DNAH14: variants seen among roughly 807,000 people sequenced by gnomAD.
The protein encoded by DNAH14 is axonemal beta dynein heavy chain 14.
In DNAH14, 478 loss-of-function variants were observed where a neutral mutation model predicts 520.9. The ratio of observed to expected loss-of-function variants is 0.92; its 90% CI spans 0.85 to 0.99. The LOEUF is 0.99. DNAH14 is among the 50% of genes least tolerant of loss of function. The pLI, the probability that DNAH14 is intolerant of heterozygous loss-of-function variation, is 0.00. For missense variants in DNAH14, 4,831 were observed against 5,234.5 expected, an observed-to-expected ratio of 0.92 and a Z score of 2.38; for synonymous variants, 1,581 against 1,757.2, an observed-to-expected ratio of 0.90 and a Z score of 2.51.
Position 224,973,989 on chromosome 1 carries a change from T to C in DNAH14, c.768-102T>C, listed in dbSNP as rs139426229. ...TAGGTAACTCAGGATGAATGAAATATGTTCTAGAGAATATTCTGGTATTAC... is the reference window on the plus strand; with the variant it reads ...TAGGTAACTCAGGATGAATGAAATACGTTCTAGAGAATATTCTGGTATTAC... On this transcript the variant is annotated intron_variant, in intron 7 of 85. Coordinates refer to ENST00000682510, the MANE Select transcript of DNAH14 (RefSeq NM_001367479.1). 164 of 647,538 alleles carry C rather than the reference T, an allele frequency of 2.5e-4. 1 individual carries two copies. The East Asian group carries it at 6.5e-3, about 26-fold the overall frequency. The allele number at this position is 647,538 out of a possible 1,614,324, so 40.1% of individuals were successfully genotyped here.
intron 36 of DNAH14, among the ~76,000 whole-genome samples, chr1:225,179,866 G>T (rs895412457): frequency 2.0e-5 from 3 of 151,958 alleles, no homozygotes; most frequent in African/African-American, 7.3e-5. Context: ...TGTTAGAAGA[G>T]TGGGTTTTCT....
At chr1:225,097,772 T>TAA (rs143800535) in intron 22 of DNAH14, among the ~76,000 whole-genome samples, 2 of 142,606 alleles carry the variant, frequency 1.4e-5, no homozygotes, top group Non-Finnish European at 3.1e-5. Context: ...AGACTCTGTA[T>TAA]AAAAAAAAAA....
Position 225,335,933 on chromosome 1 carries a change from A to G in DNAH14, c.10081-1333A>G, listed in dbSNP as rs939159573. On this transcript the variant is annotated intron_variant, in intron 66 of 85. Coordinates refer to ENST00000682510, the MANE Select transcript of DNAH14 (RefSeq NM_001367479.1). ...TGTATGTATATATGCACATATACCT[A>G]TATATACATATATGTATATATACAC... Among the ~76,000 whole-genome samples the G allele has an allele frequency of 6.6e-5, 8 of 120,334 alleles. 1 individual carries two copies. The highest frequency in any genetic ancestry group is 2.0e-4 in the African/African-American group (7 of 34,744). 78.9% of individuals were successfully genotyped at this position (120,334 alleles called of 152,430 possible).
chr1:224,935,394 A>G (rs576863767), intron 1 of DNAH14, among the ~76,000 whole-genome samples: 2 of 152,014 alleles, frequency 1.3e-5, no homozygotes, highest in South Asian at 4.1e-4. Context: ...ATAGAAAAAG[A>G]TATTCCATGC....
At chr1:225,364,703 C>T (rs1337506505) in intron 75 of DNAH14, 89 bp from the exon 76 acceptor site, 2 of 887,926 alleles carry the variant, frequency 2.3e-6, no homozygotes, top group Admixed American at 6.0e-5. Flanking sequence ...ATTCGTAAGG[C>T]CACTTCAAAC....
rs542890225 is a variant in DNAH14, at chr1:225,082,519, A to G, written c.3137-30A>G. 39 of 1,447,920 alleles carry G rather than the reference A, an allele frequency of 2.7e-5. No homozygotes were observed. The South Asian group carries it at 5.7e-4, about 21-fold the overall frequency. The allele number at this position is 1,447,920 out of a possible 1,614,324, so 89.7% of individuals were successfully genotyped here. A position where few individuals can be genotyped will look rare whatever the true frequency, so the allele number is the denominator to read the frequency against. On this transcript the variant is annotated intron_variant, in intron 19 of 85. Coordinates refer to ENST00000682510, the MANE Select transcript of DNAH14 (RefSeq NM_001367479.1). ...GGTTAAAAAATATAATGAACATATT[A>G]TAAGCCTACTGACCCATTGTTATTT...
At chr1:225,160,530 T>G (rs953163041) in intron 35 of DNAH14, among the ~76,000 whole-genome samples, 3 of 152,022 alleles carry the variant, frequency 2.0e-5, no homozygotes, top group Non-Finnish European at 4.4e-5. Flanking sequence ...GGACCAGGAG[T>G]TATGAGAGGA....
At chr1:224,950,872 CA>C (rs67474069) in intron 1 of DNAH14, among the ~76,000 whole-genome samples, 29,674 of 149,096 alleles carry the variant, frequency 0.2, 5,854 homozygotes, top group African/African-American at 0.5. Context: ...TACTGTATTA[CA>C]AAAAAAAAAT....
At chr1:224,981,710 A>G (rs1313188496) in intron 8 of DNAH14, among the ~76,000 whole-genome samples, 2 of 151,980 alleles carry the variant, frequency 1.3e-5, no homozygotes, top group African/African-American at 2.4e-5. Flanking sequence ...ATGGTCTATC[A>G]ATCTTATTTA....
At chr1:225,399,001 C>CTGAT in intron 85 of DNAH14, 53 bp from the exon 86 acceptor site, 4 of 1,296,376 alleles carry the variant, frequency 3.1e-6, no homozygotes, top group Non-Finnish European at 4.3e-6. Flanking sequence ...ATGTGAGCTA[C>CTGAT]TGATTCACTT....
intron 54 of DNAH14, among the ~76,000 whole-genome samples, chr1:225,286,103 C>T (rs772362384): frequency 8.6e-5 from 13 of 151,972 alleles, no homozygotes; most frequent in Non-Finnish European, 1.6e-4. Context: ...AAACAAAATT[C>T]GAACTCACAG....
intron 71 of DNAH14, among the ~76,000 whole-genome samples, chr1:225,347,419 T>C (rs1018885570): frequency 2.0e-5 from 3 of 152,122 alleles, no homozygotes; most frequent in Non-Finnish European, 4.4e-5. Context: ...CTCTTTGTGG[T>C]ATAATGTGGA....
chr1:225,317,329 CT>C (rs1380322480), intron 60 of DNAH14, among the ~76,000 whole-genome samples: 2 of 151,980 alleles, frequency 1.3e-5, no homozygotes, highest in African/African-American at 4.8e-5. Flanking sequence ...TAAAGTTTTG[CT>C]TTTGGTATGA....
chr1:224,974,388 C>T (rs2061676966), intron 8 of DNAH14, among the ~76,000 whole-genome samples: 1 of 152,124 alleles, frequency 6.6e-6, no homozygotes, highest in South Asian at 2.1e-4. Flanking sequence ...CCCTTGGTCA[C>T]TTTATCTAAC....
chr1:225,119,452 A>G (rs10915782), intron 26 of DNAH14, among the ~76,000 whole-genome samples, 158 bp downstream of exon 26: 30,102 of 152,006 alleles, frequency 0.2, 6,125 homozygotes, highest in African/African-American at 0.51. Flanking sequence ...AATGGGTTTT[A>G]ATGGAACATG....
intron 60 of DNAH14, among the ~76,000 whole-genome samples, chr1:225,309,991 C>T (rs923389305): frequency 1.3e-5 from 2 of 151,176 alleles, no homozygotes; most frequent in Non-Finnish European, 2.9e-5. Context: ...CTAACCTGCA[C>T]ATTGTGCACA....
chr1:225,198,603 C>G (rs1464282538), intron 38 of DNAH14, among the ~76,000 whole-genome samples: 1 of 152,102 alleles, frequency 6.6e-6, no homozygotes, highest in Non-Finnish European at 1.5e-5. Context: ...TTGAGATGAT[C>G]TTGTGATTTT....
intron 36 of DNAH14, among the ~76,000 whole-genome samples, chr1:225,176,652 G>T (rs895903923): frequency 6.6e-6 from 1 of 152,066 alleles, no homozygotes; most frequent in African/African-American, 2.4e-5. Context: ...TTCCCATGCT[G>T]TTCTCATGAT....
chr1:225,268,340 G>A (rs903024032), intron 49 of DNAH14, among the ~76,000 whole-genome samples: 1 of 152,000 alleles, frequency 6.6e-6, no homozygotes, highest in Admixed American at 6.6e-5. Context: ...AAAATAATAA[G>A]AGCTATTTAT....
Sources: allele counts gnomAD v4.1 joint callset (sites outside exome capture counted in the v4.1 genomes callset), GRCh38; gene constraint gnomAD v4.1.1; transcripts MANE v1.5; gene names NCBI Gene and HGNC (gene_info 2026-07-23, HGNC 2026-07-21).